Variants in SLC2A2 observed in about 807,000 individuals in gnomAD.
SLC2A2 encodes solute carrier family 2 member 2.
Under a neutral mutation model 54.5 loss-of-function variants are expected in SLC2A2, and 36 were observed. That is an observed-to-expected ratio of 0.66 (90% CI 0.51 to 0.87). The LOEUF is 0.87. Ranked by LOEUF, SLC2A2 falls within the 40% of genes least tolerant of loss-of-function variation. The probability of loss-of-function intolerance (pLI) is 0.00; values close to 1 mark genes in which losing one functional copy is unlikely to be tolerated. For missense variants in SLC2A2, 543 were observed against 624.3 expected, an observed-to-expected ratio of 0.87 and a Z score of 1.39; for synonymous variants, 223 against 219.1, an observed-to-expected ratio of 1.02 and a Z score of -0.16.
intron 8 of SLC2A2, among the ~76,000 whole-genome samples, chr3:171,000,888 A>T (rs867504873): frequency 3.3e-5 from 5 of 152,110 alleles, no homozygotes; most frequent in Non-Finnish European, 5.9e-5. Flanking sequence ...TGACGGAGGG[A>T]CTATCCTTTT....
intron 1 of SLC2A2, among the ~76,000 whole-genome samples, chr3:171,022,007 A>G (rs1045437275): frequency 3.3e-5 from 5 of 152,164 alleles, no homozygotes; most frequent in Non-Finnish European, 4.4e-5. Flanking sequence ...CTCTAGGTCT[A>G]TTACCTTAAT....
At chr3:171,013,081 A>T (rs1304303365) in intron 3 of SLC2A2, among the ~76,000 whole-genome samples, 6 of 152,200 alleles carry the variant, frequency 3.9e-5, no homozygotes, top group African/African-American at 1.4e-4. Context: ...GTAGTATAAA[A>T]TATCAGTAGT....
intron 1 of SLC2A2, 124 bp from the exon 2 acceptor site, chr3:171,018,747 T>G (rs1716276923): frequency 1.7e-5 from 12 of 697,366 alleles, no homozygotes; most frequent in East Asian, 2.8e-5. Flanking sequence ...CAATATCGAT[T>G]TGCAGTATGC....
At position 171,002,598 on chromosome 3, in the gene SLC2A2, T is replaced by C; in HGVS notation, c.1046A>G (p.Asn349Ser). The C allele has an allele frequency of 6.2e-7, 1 of 1,609,766 alleles. No homozygotes were observed. Among genetic ancestry groups the C allele is most frequent in the Non-Finnish European group, 8.5e-7 (1 of 1,176,972 alleles). The part of the protein sequence containing the change: ...VYATIGVGAV[N>S]MVFTAVSVFL... The stretch of plus-strand genomic sequence containing the variant: ...TACAGAGACAGCAGTGAAAACCATG[T>C]TTACAGCGCCAACTCCAATGGTTGC... The change falls in exon 8 of 11, where the codon AAC (asparagine) becomes AGC (serine). Residue 349 changes from asparagine (N) to serine (S), a missense_variant. Transcript: ENST00000314251.
chr3:171,002,743 A>G (rs908919706), intron 7 of SLC2A2, 63 bp from the exon 8 acceptor site: 27 of 911,004 alleles, frequency 3.0e-5, no homozygotes, highest in Non-Finnish European at 4.3e-5. Context: ...CTTTAAAGCA[A>G]GAAATATTTT....
Position 171,006,066 on chromosome 3 carries a change from A to G in SLC2A2, c.652T>C (p.Trp218Arg). Residue 218 changes from tryptophan to arginine, a missense_variant, in exon 6 of 11, where the codon TGG (tryptophan) becomes CGG (arginine). By Grantham distance (101) the Trp-to-Arg change is moderately radical. This residue lies in a region of SLC2A2 where 318 missense variants were observed against 343.8 expected (regional missense o/e 0.93). Coordinates refer to ENST00000314251, the MANE Select transcript of SLC2A2 (RefSeq NM_000340.2). The part of the protein sequence containing the change: ...LEFILGNYDL[W>R]HILLGLSGVR... ...CCAGACAGGCCAAGCAGGATGTGCC[A>G]CAGATCATAATTGCCCAAGATAAAT... 6.2e-7 allele frequency: 1 copy of G among 1,612,616 alleles called. No homozygotes were observed. The highest frequency in any genetic ancestry group is 1.1e-5 in the South Asian group (1 of 91,048).
chr3:171,012,868 G>A (rs529381038), intron 3 of SLC2A2, among the ~76,000 whole-genome samples: 20 of 152,200 alleles, frequency 1.3e-4, no homozygotes, highest in Admixed American at 5.9e-4. Flanking sequence ...CATTTGATAC[G>A]TGGTCATTTG....
chr3:171,022,058 C>G (rs1358095576), intron 1 of SLC2A2, among the ~76,000 whole-genome samples: 1 of 152,106 alleles, frequency 6.6e-6, no homozygotes, highest in African/African-American at 2.4e-5. Flanking sequence ...CAAGATATTC[C>G]CAGGTTCTGG....
chr3:171,016,857 T>C (rs113269347), intron 2 of SLC2A2, among the ~76,000 whole-genome samples: 2,676 of 70,982 alleles, frequency 0.038, 87 homozygotes, highest in African/African-American at 0.19. Context: ...TTTTTCTTTT[T>C]TTTTTTTTTT....
Position 170,998,210 on chromosome 3 carries a change from A to C in SLC2A2, c.1357T>G (p.Cys453Gly), listed in dbSNP as rs1418589512. 1.2e-6 allele frequency: 2 copies of C among 1,613,790 alleles called. No homozygotes were observed. Among genetic ancestry groups the C allele is most frequent in the Non-Finnish European group, 1.7e-6 (2 of 1,179,798 alleles). ...NWTCNFIVAL[C>G]FQYIADFCGP... ...CTGCTTACCGCAATGTACTGGAAACACAGAGCTACAATGAAATTGCAGGTC... is the reference window on the plus strand; with the variant it reads ...CTGCTTACCGCAATGTACTGGAAACCCAGAGCTACAATGAAATTGCAGGTC... The change falls in exon 10 of 11, where the codon TGT becomes GGT. Residue 453 changes from cysteine (C) to glycine (G), a missense_variant. Physicochemically the swap from Cys to Gly is radical, Grantham distance 159. Coordinates refer to ENST00000314251, the MANE Select transcript of SLC2A2 (RefSeq NM_000340.2).
intron 3 of SLC2A2, 71 bp from the exon 4 acceptor site, chr3:171,010,153 T>C: frequency 2.0e-6 from 3 of 1,504,562 alleles, no homozygotes; most frequent in Non-Finnish European, 2.8e-6. Context: ...TTTCAGAGCA[T>C]GTTGAGATTT....
rs748296868 is a variant in SLC2A2 at position 171,002,642 on chromosome 3, AC to A, written c.1001del (p.Gly334ValfsTer15). The A allele has an allele frequency of 6.2e-7, 1 of 1,610,256 alleles. No individual in the cohort carries two copies. Among genetic ancestry groups the A allele is most frequent in the South Asian group, 1.1e-5 (1 of 90,562 alleles). ...TGGTTGCATAAACAGGTTTGCTGAT[AC>A]CAGCCGTCTGAAAAATGCTGGTTGA... is the stretch of plus-strand genomic sequence containing the variant. ...YYSTSIFQTAGISKPVYATIG... is the reference protein window; with the variant it reads ...YYSTSIFQTAXISKPVYATIG... On this transcript the variant is annotated frameshift_variant, in exon 8 of 11. Coordinates refer to ENST00000314251, the MANE Select transcript of SLC2A2 (RefSeq NM_000340.2). LOFTEE classifies it high-confidence loss of function.
chr3:171,002,478 A>G, intron 8 of SLC2A2, 98 bp downstream of exon 8: 1 of 774,414 alleles, frequency 1.3e-6, no homozygotes, highest in Non-Finnish European at 2.3e-6. Context: ...CATGTGTACA[A>G]TAAGTCATTG....
intron 1 of SLC2A2, among the ~76,000 whole-genome samples, chr3:171,019,755 TATGTA>T (rs2108263912): frequency 6.6e-6 from 1 of 152,308 alleles, no homozygotes; most frequent in South Asian, 2.1e-4. Flanking sequence ...CGAAGGAAGT[TATGTA>T]ATCTAATGTT....
In SLC2A2 at chr3:171,010,617, A is replaced by T. The variant is rs76250983; in HGVS notation, c.372-535T>A. 1.2e-3 allele frequency among the ~76,000 whole-genome samples: 189 copies of T among 152,228 alleles called. 2 individuals are homozygous for T. Among genetic ancestry groups the T allele is most frequent in the Non-Finnish European group, 1.8e-3 (121 of 68,008 alleles). On this transcript the variant is annotated intron_variant, in intron 3 of 10. Transcript: ENST00000314251. The stretch of plus-strand genomic sequence containing the variant: ...AACTTTTTTTTTCTTTCAATGGCAC[A>T]GGTTTTTAATCTAGATAGGAAAGGA...
At chr3:171,021,202 C>CT (rs1159916064) in intron 1 of SLC2A2, among the ~76,000 whole-genome samples, 1 of 152,108 alleles carries the variant, frequency 6.6e-6, no homozygotes, top group Non-Finnish European at 1.5e-5. Flanking sequence ...CAAGCTATTT[C>CT]CAAGGATAGG....
rs190932521 is a variant in SLC2A2 at position 171,009,381 on chromosome 3, C to T, written c.496+577G>A. ...GACACCACCACTGTAATGCTTCACT[C>T]GGTCATGTCTAGAATCATACAGGGC... On this transcript the variant is annotated intron_variant, in intron 4 of 10. Coordinates refer to ENST00000314251, the MANE Select transcript of SLC2A2 (RefSeq NM_000340.2). Among the ~76,000 whole-genome samples the T allele has an allele frequency of 3.0e-4, 45 of 152,124 alleles. No homozygotes were observed. The East Asian group carries it at 8.1e-3, about 27-fold the overall frequency.
intron 1 of SLC2A2, among the ~76,000 whole-genome samples, chr3:171,019,113 A>T: frequency 1.8e-4 from 1 of 5,550 alleles, no homozygotes; most frequent in South Asian, 5.1e-3. Context: ...ATATATATAT[A>T]TATATATATA....
chr3:170,997,032 C>T lies in SLC2A2; in HGVS notation c.*871G>A, dbSNP rs1715110421. ...TTATTAGGAATTTGAGGTAATATAC[C>T]AAATGTCTGACTCATGATTGTTTGA... On this transcript the variant is annotated 3_prime_UTR_variant, in exon 11 of 11. Coordinates refer to ENST00000314251, the MANE Select transcript of SLC2A2 (RefSeq NM_000340.2). The T allele has an allele frequency of 5.9e-6, 1 of 169,748 alleles. No homozygotes were observed. The highest frequency in any genetic ancestry group is 1.2e-5 in the Non-Finnish European group (1 of 80,278). The allele number at this position is 169,748 out of a possible 1,614,324, so 10.5% of individuals were successfully genotyped here.
Sources: allele counts gnomAD v4.1 joint callset (sites outside exome capture counted in the v4.1 genomes callset), GRCh38; gene constraint gnomAD v4.1.1; regional missense constraint gnomAD v4.1.1; transcripts MANE v1.5; gene names NCBI Gene and HGNC (gene_info 2026-07-23, HGNC 2026-07-21).